BFSP1: variants seen among roughly 807,000 people sequenced by gnomAD.
BFSP1 encodes the protein beaded filament structural protein 1.
A neutral mutation model predicts 43.9 loss-of-function variants in BFSP1; 38 were observed. The observed-to-expected ratio is 0.87, with a 90% confidence interval of 0.67 to 1.14. The LOEUF is 1.14. Ranked by LOEUF, BFSP1 falls within the 50% of genes most tolerant of loss-of-function variation. BFSP1 has a pLI of 0.00. For missense variants in BFSP1, 850 were observed against 875.1 expected, an observed-to-expected ratio of 0.97 and a Z score of 0.36; for synonymous variants, 352 against 354.8, an observed-to-expected ratio of 0.99 and a Z score of 0.09.
chr20:17,520,993 T>C (rs2123508307), intron 2 of BFSP1, among the ~76,000 whole-genome samples: 2 of 152,376 alleles, frequency 1.3e-5, no homozygotes, highest in South Asian at 4.1e-4. Flanking sequence ...CACATCATTT[T>C]AAAATTCTGG....
chr20:17,531,197 G>A lies in BFSP1; in HGVS notation c.133C>T (p.Gln45Ter), dbSNP rs761942068. 1.5e-6 allele frequency: 2 copies of A among 1,308,946 alleles called. No individual in the cohort carries two copies. Among genetic ancestry groups the A allele is most frequent in the Admixed American group, 3.8e-5 (1 of 26,526 alleles). The allele number at this position is 1,308,946 out of a possible 1,614,324, so 81.1% of individuals were successfully genotyped here. The change falls in exon 1 of 8, where the codon CAG becomes TAG. Residue 45 changes from glutamine to a stop codon, truncating the protein, a stop_gained. Coordinates refer to ENST00000377873, the MANE Select transcript of BFSP1 (RefSeq NM_001195.5). LOFTEE classifies it high-confidence loss of function. ...WAGATSLAALQGLGERVAAHV... is the reference protein window; with the variant it reads ...WAGATSLAAL Reference sequence around the variant, plus strand: ...GCGGCCACGCGCTCGCCGAGCCCCTGCAGCGCCGCCAGGCTCGTTGCCCCA... The same window carrying A: ...GCGGCCACGCGCTCGCCGAGCCCCTACAGCGCCGCCAGGCTCGTTGCCCCA...
chr20:17,498,668 A>C, intron 6 of BFSP1, 152 bp downstream of exon 6: 1 of 898,662 alleles, frequency 1.1e-6, no homozygotes, highest in Non-Finnish European at 1.7e-6. Context: ...TGTCTCCCCT[A>C]CTAGTTATCC....
intron 1 of BFSP1, among the ~76,000 whole-genome samples, chr20:17,553,505 G>T (rs897235150): frequency 9.2e-5 from 14 of 152,070 alleles, no homozygotes; most frequent in African/African-American, 3.4e-4. Context: ...ATTCAGTGAT[G>T]AAGAAAACAA....
rs565029861 is a variant in BFSP1 at position 17,494,517 on chromosome 20, G to T, written c.1555C>A (p.Pro519Thr). Residue 519 changes from proline (P) to threonine (T), a missense_variant, in exon 8 of 8, where the codon CCC becomes ACC. Coordinates refer to ENST00000377873, the MANE Select transcript of BFSP1 (RefSeq NM_001195.5). ...CCCACCTGCCCATTCTCTAAAGGGG[G>T]CTTGGGTGACTCAGGAGAGGGCTCC... is the stretch of plus-strand genomic sequence containing the variant. ...QVEPSPESPK[P>T]PLENGQVGLQ... 7.4e-6 allele frequency: 12 copies of T among 1,614,082 alleles called. No individual in the cohort carries two copies. Among genetic ancestry groups the T allele is most frequent in the Non-Finnish European group, 1.0e-5 (12 of 1,180,048 alleles).
chr20:17,538,775 A>T (rs2034670478), intron 1 of BFSP1, among the ~76,000 whole-genome samples: 1 of 152,162 alleles, frequency 6.6e-6, no homozygotes, highest in South Asian at 2.1e-4. Context: ...CATCCTCAGG[A>T]CTGCGTTTGG....
At chr20:17,514,217 C>T (rs1568692488) in intron 3 of BFSP1, among the ~76,000 whole-genome samples, 1 of 152,288 alleles carries the variant, frequency 6.6e-6, no homozygotes, top group East Asian at 1.9e-4. Flanking sequence ...GCCACTCACC[C>T]ATAGTCAAAC....
intron 1 of BFSP1, among the ~76,000 whole-genome samples, chr20:17,538,187 AG>A (rs1343110344): frequency 6.6e-6 from 1 of 151,966 alleles, no homozygotes; most frequent in Non-Finnish European, 1.5e-5. Flanking sequence ...AGGGAAGGGA[AG>A]GAAGGAAAGA....
chr20:17,499,149 T>C, intron 5 of BFSP1, 109 bp from the exon 6 acceptor site: 1 of 964,968 alleles, frequency 1.0e-6, no homozygotes, highest in South Asian at 1.5e-5. Context: ...GTTGTTTGTG[T>C]GTTTCTCTGT....
intron 1 of BFSP1, among the ~76,000 whole-genome samples, chr20:17,549,850 T>A (rs892305767): frequency 6.6e-6 from 1 of 151,894 alleles, no homozygotes; most frequent in African/African-American, 2.4e-5. Context: ...ATAAATAAAT[T>A]AATTAAATAA....
chr20:17,540,000 G>C (rs1449272560), intron 1 of BFSP1, among the ~76,000 whole-genome samples: 1 of 152,162 alleles, frequency 6.6e-6, no homozygotes, highest in Non-Finnish European at 1.5e-5. Flanking sequence ...TAGGAGTATA[G>C]TAAGGTACAG....
Position 17,512,071 on chromosome 20 carries a change from G to A in BFSP1, c.535-3C>T. 6.3e-7 allele frequency: 1 copy of A among 1,593,204 alleles called. No individual in the cohort carries two copies. Among genetic ancestry groups the A allele is most frequent in the South Asian group, 1.1e-5 (1 of 90,614 alleles). On this transcript the variant is annotated splice_region_variant and splice_polypyrimidine_tract_variant and intron_variant, in intron 3 of 7. Coordinates refer to ENST00000377873, the MANE Select transcript of BFSP1 (RefSeq NM_001195.5). ...TAGGTCTGAACTTCCAGAAGATTCT[G>A]TTGGGGGAGGGAAAACATTCTCATT...
chr20:17,536,211 G>A (rs1264217813), upstream of BFSP1, among the ~76,000 whole-genome samples: 1 of 152,228 alleles, frequency 6.6e-6, no homozygotes, highest in Non-Finnish European at 1.5e-5. Context: ...TCAGAAATTA[G>A]TGAAATATGC....
Position 17,508,869 on chromosome 20 carries a change from C to A in BFSP1, c.735+20G>T. ...AACATGTGGGAAGCCCCAATGCACA[C>A]GCGGCAGACTCGAGCGTACCTGTGC... On this transcript the variant is annotated intron_variant, in intron 5 of 7. Coordinates refer to ENST00000377873, the MANE Select transcript of BFSP1 (RefSeq NM_001195.5). The A allele has an allele frequency of 6.5e-7, 1 of 1,538,196 alleles. No individual in the cohort carries two copies. The highest frequency in any genetic ancestry group is 1.3e-5 in the South Asian group (1 of 78,598).
At chr20:17,521,266 A>AT (rs1490673373) in intron 2 of BFSP1, among the ~76,000 whole-genome samples, 2 of 152,214 alleles carry the variant, frequency 1.3e-5, no homozygotes, top group Non-Finnish European at 2.9e-5. Context: ...GTGCACAGCA[A>AT]AGAGTGGCCT....
At chr20:17,563,503 G>A (rs2035087226), upstream of BFSP1, among the ~76,000 whole-genome samples, 1 of 151,632 alleles carries the variant, frequency 6.6e-6, no homozygotes, top group East Asian at 1.9e-4. Flanking sequence ...CACATGCCCA[G>A]CTAATTTTTG....
At chr20:17,521,591 T>C (rs889243697) in intron 2 of BFSP1, among the ~76,000 whole-genome samples, 7 of 152,226 alleles carry the variant, frequency 4.6e-5, no homozygotes, top group African/African-American at 1.7e-4. Context: ...GCTGATGCGA[T>C]GTGAATTTTA....
chr20:17,497,513 TATATATATACACACAC>T lies in BFSP1; in HGVS notation c.957-506_957-491del, dbSNP rs1568679379. Among the ~76,000 whole-genome samples, 77 of 109,160 alleles carry T rather than the reference TATATATATACACACAC, an allele frequency of 7.1e-4. 1 individual carries two copies. Among genetic ancestry groups the T allele is most frequent in the African/African-American group, 2.6e-3 (71 of 27,432 alleles). 71.6% of individuals were successfully genotyped at this position (109,160 alleles called of 152,430 possible). On this transcript the variant is annotated intron_variant, in intron 6 of 7. Coordinates refer to ENST00000377873, the MANE Select transcript of BFSP1 (RefSeq NM_001195.5). ...ATATATATATACACGTATATATACGTATATATATACACACACGTATGTATATATGTGTGTATATATG... is the reference window on the plus strand; with the variant it reads ...ATATATATATACACGTATATATACGTGTATGTATATATGTGTGTATATATG...
At chr20:17,557,083 G>A (rs2035004415) in intron 1 of BFSP1, among the ~76,000 whole-genome samples, 1 of 152,144 alleles carries the variant, frequency 6.6e-6, no homozygotes, top group Non-Finnish European at 1.5e-5. Flanking sequence ...GCTACCTGCA[G>A]AGACACTCCT....
chr20:17,494,107 T>C lies in BFSP1; in HGVS notation c.1965A>G (p.Ser655=), dbSNP rs767494785. The C allele has an allele frequency of 2.5e-6, 4 of 1,613,752 alleles. No individual in the cohort carries two copies. Among genetic ancestry groups the C allele is most frequent in the Non-Finnish European group, 3.4e-6 (4 of 1,179,886 alleles). Residue 655 remains serine (S), a synonymous_variant, in exon 8 of 8, where the codon TCA becomes TCG. Transcript: ENST00000377873. ...TCTTCTCTCCTGATTTCTTCTTGTC[T>C]GACTTTGTCTTTCCAATCATGGTCT... ...IVETMIGKTK[S]DKKKSGEKSS is the part of the protein sequence containing the mutation.
Sources: gnomAD v4.1 joint callset for allele counts (sites outside exome capture counted in the v4.1 genomes callset) on GRCh38, gnomAD v4.1.1 for gene constraint, MANE v1.5 for transcripts, NCBI Gene and HGNC (gene_info 2026-07-23, HGNC 2026-07-21) for gene names.